Variants in ZNF804B observed in about 807,000 individuals in gnomAD.
ZNF804B encodes the protein zinc finger protein 804B.
ZNF804B carries 80 observed loss-of-function variants against 101.4 expected under a neutral mutation model. The ratio of observed to expected loss-of-function variants is 0.79; its 90% confidence interval spans 0.66 to 0.95. ZNF804B has a LOEUF of 0.95. Ranked by LOEUF, ZNF804B falls within the 40% of genes least tolerant of loss-of-function variation. The pLI is 0.00. For missense variants in ZNF804B, 1,673 were observed against 1,561.9 expected (o/e 1.07, Z -1.20); for synonymous variants, 622 against 558.8 (o/e 1.11, Z -1.59).
At chr7:89,012,114 T>C (rs1025458995) in intron 1 of ZNF804B, among the ~76,000 whole-genome samples, 1 of 152,190 alleles carries the variant, frequency 6.6e-6, no homozygotes, top group African/African-American at 2.4e-5. Context: ...GCCACCGAAG[T>C]TTGGGGCTTG....
intron 1 of ZNF804B, among the ~76,000 whole-genome samples, chr7:88,926,737 A>C (rs1427719690): frequency 6.6e-6 from 1 of 152,118 alleles, no homozygotes; most frequent in Admixed American, 6.6e-5. Context: ...TTCCTAATCC[A>C]TCTTTCCCCA....
intron 2 of ZNF804B, among the ~76,000 whole-genome samples, chr7:89,230,599 T>G: frequency 6.6e-6 from 1 of 151,930 alleles, no homozygotes; most frequent in East Asian, 1.9e-4. Context: ...CAGAGCAGAG[T>G]AGAAATCCCA....
At position 89,218,208 on chromosome 7, in the gene ZNF804B, C is replaced by T. The variant is rs745631086; in HGVS notation, c.162C>T (p.Asn54=). ...TAKALEDVKA[N]FYCELCDKQY... is the part of the protein sequence containing the mutation. Reference sequence around the variant, plus strand: ...AGGCCCTGGAAGATGTAAAGGCAAACTTTTACTGTGAATTATGTGACAAGC... The same window carrying T: ...AGGCCCTGGAAGATGTAAAGGCAAATTTTTACTGTGAATTATGTGACAAGC... Residue 54 remains asparagine (N), a synonymous_variant, in exon 2 of 4, where the codon AAC becomes AAT. Transcript: ENST00000333190. 3 of 1,613,762 alleles carry T rather than the reference C, an allele frequency of 1.9e-6. No homozygotes were observed. The highest frequency in any genetic ancestry group is 1.1e-5 in the South Asian group (1 of 91,068).
chr7:89,144,500 A>G (rs1267343857), intron 1 of ZNF804B, among the ~76,000 whole-genome samples: 1 of 152,006 alleles, frequency 6.6e-6, no homozygotes, highest in Non-Finnish European at 1.5e-5. Flanking sequence ...GAAAAAGTGG[A>G]ACTAATAGGA....
At chr7:89,285,747 ATG>A (rs141896368) in intron 2 of ZNF804B, among the ~76,000 whole-genome samples, 4,690 of 150,408 alleles carry the variant, frequency 0.031, 220 homozygotes, top group African/African-American at 0.11. Flanking sequence ...TTCTGTGCAA[ATG>A]CAGTTGGGTT....
At chr7:88,822,427 C>T (rs951853359) in intron 1 of ZNF804B, among the ~76,000 whole-genome samples, 2 of 152,062 alleles carry the variant, frequency 1.3e-5, no homozygotes, top group Admixed American at 1.3e-4. Context: ...AAATACAGCC[C>T]ACAGGCCAGT....
rs1028603183 is a variant in ZNF804B, at chr7:89,087,981, T to G, written c.109-130174T>G. ...TTATATATATAAGCTTACACATATA[T>G]GTATATAAATATATATATATATTAA... On this transcript the variant is annotated intron_variant, in intron 1 of 3. Transcript: ENST00000333190. 4.5e-5 allele frequency among the ~76,000 whole-genome samples: 6 copies of G among 134,322 alleles called. No homozygotes were observed. The Admixed American group carries it at 4.6e-4, about 10-fold the overall frequency. The allele number at this position is 134,322 out of a possible 152,430, so 88.1% of individuals were successfully genotyped here.
At chr7:89,305,364 AG>A (rs1790544399) in intron 2 of ZNF804B, among the ~76,000 whole-genome samples, 1 of 152,000 alleles carries the variant, frequency 6.6e-6, no homozygotes, top group African/African-American at 2.4e-5. Context: ...TGACAAGATG[AG>A]GGTCACATGC....
At chr7:89,106,769 T>C (rs530655716) in intron 1 of ZNF804B, among the ~76,000 whole-genome samples, 3 of 152,214 alleles carry the variant, frequency 2.0e-5, no homozygotes, top group South Asian at 4.1e-4. Flanking sequence ...AAGTGATATG[T>C]TTTAGAATAC....
At position 89,252,355 on chromosome 7, in the gene ZNF804B, AT is replaced by A. The variant is rs1789555043; in HGVS notation, c.249+34062del. On this transcript the variant is annotated intron_variant, in intron 2 of 3. Transcript: ENST00000333190. ...TCTCACATCAGTCAGAATGGCTATT[AT>A]TAAAAGTAAAAAGCAAACAAACAGA... Among the ~76,000 whole-genome samples, 3 of 152,310 alleles carry A rather than the reference AT, an allele frequency of 2.0e-5. No individual in the cohort carries two copies. The East Asian group carries it at 5.8e-4, about 29-fold the overall frequency.
chr7:89,030,820 GT>G (rs1388886402), intron 1 of ZNF804B, among the ~76,000 whole-genome samples: 11 of 152,070 alleles, frequency 7.2e-5, no homozygotes, highest in Non-Finnish European at 1.0e-4. Context: ...TGACCCTCCA[GT>G]TTTAATGAAG....
At chr7:89,321,683 T>G (rs901028663) in intron 2 of ZNF804B, among the ~76,000 whole-genome samples, 4 of 151,904 alleles carry the variant, frequency 2.6e-5, no homozygotes, top group Non-Finnish European at 5.9e-5. Context: ...GTATTTTAAG[T>G]ATACAGATGG....
intron 1 of ZNF804B, among the ~76,000 whole-genome samples, chr7:88,921,155 G>T (rs2115997157): frequency 6.6e-6 from 1 of 152,178 alleles, no homozygotes; most frequent in East Asian, 1.9e-4. Context: ...GAAGGATGGT[G>T]GAATTGTGAA....
chr7:88,952,342 G>A (rs1185894802), intron 1 of ZNF804B, among the ~76,000 whole-genome samples: 4 of 151,778 alleles, frequency 2.6e-5, no homozygotes, highest in Non-Finnish European at 4.4e-5. Context: ...ACTGATGACT[G>A]TGTGCATTTT....
At chr7:89,103,064 T>G (rs1429935218) in intron 1 of ZNF804B, among the ~76,000 whole-genome samples, 9 of 135,102 alleles carry the variant, frequency 6.7e-5, no homozygotes, top group African/African-American at 2.4e-4. Context: ...TTTTTTTTTT[T>G]TTTTTTTTTT....
At chr7:88,862,779 GT>G (rs1160790774) in intron 1 of ZNF804B, among the ~76,000 whole-genome samples, 1 of 151,780 alleles carries the variant, frequency 6.6e-6, no homozygotes, top group Non-Finnish European at 1.5e-5. Flanking sequence ...ATTCATCGAT[GT>G]TTACGCTGTC....
chr7:88,998,242 C>T (rs1393634291), intron 1 of ZNF804B, among the ~76,000 whole-genome samples: 5 of 152,066 alleles, frequency 3.3e-5, no homozygotes, highest in African/African-American at 1.2e-4. Context: ...TCCTGGCTAG[C>T]CTCTACTCAC....
At chr7:88,764,371 T>A (rs1789948172) in intron 1 of ZNF804B, among the ~76,000 whole-genome samples, 1 of 152,202 alleles carries the variant, frequency 6.6e-6, no homozygotes, top group East Asian at 1.9e-4. Flanking sequence ...ATGCCTATTG[T>A]CTTAATGCAT....
intron 1 of ZNF804B, among the ~76,000 whole-genome samples, chr7:89,006,546 AATT>A (rs1788370892): frequency 6.6e-6 from 1 of 152,058 alleles, no homozygotes; most frequent in Non-Finnish European, 1.5e-5. Flanking sequence ...ATATAACAAA[AATT>A]AGATAAAATA....
Sources: gnomAD v4.1 joint callset for allele counts (sites outside exome capture counted in the v4.1 genomes callset) on GRCh38, gnomAD v4.1.1 for gene constraint, MANE v1.5 for transcripts, NCBI Gene and HGNC (gene_info 2026-07-23, HGNC 2026-07-21) for gene names.